Variants in ZBTB38 observed in about 807,000 individuals in gnomAD.
ZBTB38 encodes the protein zinc finger and BTB domain containing 38, also known as zinc finger and BTB domain-containing protein 38.
In ZBTB38, 20 loss-of-function variants were observed where a neutral mutation model predicts 76.8. The observed-to-expected ratio is 0.26, with a 90% CI of 0.18 to 0.38. The LOEUF (loss-of-function observed/expected upper bound fraction) is 0.38, where lower values mean the gene tolerates loss of function less well. Ranked by LOEUF, ZBTB38 falls within the 10% of genes least tolerant of loss-of-function variation. ZBTB38 has a pLI of 1.00. For synonymous variants in ZBTB38, 504 were observed against 544.2 expected, an observed-to-expected ratio of 0.93 and a Z score of 1.03; for missense variants, 1,082 against 1,482.3, an observed-to-expected ratio of 0.73 and a Z score of 4.43.
rs767199699 is a variant in ZBTB38, at chr3:141,444,157, G to C, written c.1769G>C (p.Arg590Pro). 1 of 1,614,012 alleles carries C rather than the reference G, an allele frequency of 6.2e-7. No individual in the cohort carries two copies. Among genetic ancestry groups the C allele is most frequent in the South Asian group, 1.1e-5 (1 of 91,080 alleles). Residue 590 changes from arginine (R) to proline (P), a missense_variant, in exon 6 of 6, where the codon CGA becomes CCA. Around this residue, in one of 8 missense-constraint regions of ZBTB38, gnomAD observed 471 missense variants for 581.0 expected, o/e 0.81. Transcript: ENST00000321464. The surrounding 1 kb of genome is among the most constrained non-coding windows in gnomAD (Gnocchi z 5.1). ...SYRNSSYENA[R>P]ENSQMNESAP... ...CGAAATTCTTCCTATGAAAATGCACGAGAAAACAGTCAAATGAATGAGTCT... is the reference window on the plus strand; with the variant it reads ...CGAAATTCTTCCTATGAAAATGCACCAGAAAACAGTCAAATGAATGAGTCT...
In ZBTB38 at chr3:141,413,014, G is replaced by T. The variant is rs1188058543; in HGVS notation, c.-1+8983G>T. On this transcript the variant is annotated intron_variant, in intron 5 of 5. Coordinates refer to ENST00000321464, the MANE Select transcript of ZBTB38 (RefSeq NM_001376113.1). The surrounding 1 kb of genome is among the most constrained non-coding windows in gnomAD (Gnocchi z 4.1). The stretch of plus-strand genomic sequence containing the variant: ...CTGTGCTGCCTTCGAGCTCTGTGCT[G>T]CCAGGCCTGGCCTCCCTCCAGAGGT... Among the ~76,000 whole-genome samples, 2 of 152,192 alleles carry T rather than the reference G, an allele frequency of 1.3e-5. No homozygotes were observed. Among genetic ancestry groups the T allele is most frequent in the African/African-American group, 4.8e-5 (2 of 41,432 alleles).
At chr3:141,390,926 G>A (rs578078632) in intron 4 of ZBTB38, among the ~76,000 whole-genome samples, 8 of 152,120 alleles carry the variant, frequency 5.3e-5, no homozygotes, top group Non-Finnish European at 1.0e-4. Context: ...AAGCCAAGAC[G>A]GGAGGATTGC....
intron 2 of ZBTB38, among the ~76,000 whole-genome samples, chr3:141,378,976 C>T (rs1200994416): frequency 1.3e-5 from 2 of 152,206 alleles, no homozygotes; most frequent in East Asian, 1.9e-4. Context: ...ACACTCTTCA[C>T]CTTCACCAAA....
At chr3:141,338,529 G>A (rs1297967000) in intron 1 of ZBTB38, among the ~76,000 whole-genome samples, 2 of 152,152 alleles carry the variant, frequency 1.3e-5, no homozygotes, top group Non-Finnish European at 1.5e-5. Context: ...TATCCTAAGC[G>A]AATTCATGCA....
intron 5 of ZBTB38, among the ~76,000 whole-genome samples, chr3:141,411,111 G>C (rs1956477019): frequency 6.6e-6 from 1 of 152,202 alleles, no homozygotes; most frequent in South Asian, 2.1e-4. Context: ...TGTTTGTAGA[G>C]TTGATGACAA....
chr3:141,373,329 T>G (rs973394932), intron 2 of ZBTB38, among the ~76,000 whole-genome samples: 1 of 152,252 alleles, frequency 6.6e-6, no homozygotes, highest in African/African-American at 2.4e-5. Context: ...CACTATAGTC[T>G]TTTCAGAGCT....
Position 141,327,086 on chromosome 3 carries a change from C to T in ZBTB38, c.-739+2630C>T, listed in dbSNP as rs1942697080. Reference sequence around the variant, plus strand: ...CATAAAAGGTCCCTGTAAAGTCAGGCTCTATAGTTGACAGGCCTGTGTGTT... The same window carrying T: ...CATAAAAGGTCCCTGTAAAGTCAGGTTCTATAGTTGACAGGCCTGTGTGTT... On this transcript the variant is annotated intron_variant, in intron 1 of 7. Coordinates refer to the ZBTB38 transcript ENST00000509842. Among the ~76,000 whole-genome samples, 3 of 152,156 alleles carry T rather than the reference C, an allele frequency of 2.0e-5. No individual in the cohort carries two copies. The South Asian group carries it at 6.2e-4, about 32-fold the overall frequency.
chr3:141,441,777 G>T (rs186899479), intron 5 of ZBTB38, among the ~76,000 whole-genome samples: 33 of 152,212 alleles, frequency 2.2e-4, no homozygotes, highest in Non-Finnish European at 3.4e-4. Context: ...TTAGCCGGGC[G>T]TGGTGGCTCT....
At position 141,447,495 on chromosome 3, in the gene ZBTB38, C is replaced by T. The variant is rs1421246676; in HGVS notation, c.*1519C>T. ...CATGTGGACTAGGTTCCTGGAAAGC[C>T]GGAACTCATGATTCTTTTTCAAACT... On this transcript the variant is annotated 3_prime_UTR_variant, in exon 6 of 6. Coordinates refer to ENST00000321464, the MANE Select transcript of ZBTB38 (RefSeq NM_001376113.1). 2.6e-5 allele frequency: 4 copies of T among 152,486 alleles called. No individual in the cohort carries two copies. The highest frequency in any genetic ancestry group is 1.9e-4 in the East Asian group (1 of 5,196). 9.4% of individuals were successfully genotyped at this position (152,486 alleles called of 1,614,324 possible).
intron 4 of ZBTB38, among the ~76,000 whole-genome samples, chr3:141,400,213 T>G (rs909936608): frequency 9.2e-5 from 14 of 152,224 alleles, no homozygotes; most frequent in African/African-American, 3.1e-4. Context: ...ATGGAAAATT[T>G]TGAAGAACGG....
At chr3:141,353,148 G>C (rs1943569210) in intron 1 of ZBTB38, among the ~76,000 whole-genome samples, 1 of 151,902 alleles carries the variant, frequency 6.6e-6, no homozygotes, top group Non-Finnish European at 1.5e-5. Context: ...AGTTCACCAG[G>C]GGTGTTTAAG....
chr3:141,380,233 G>T (rs1946007231), intron 2 of ZBTB38, among the ~76,000 whole-genome samples: 1 of 152,166 alleles, frequency 6.6e-6, no homozygotes, highest in Non-Finnish European at 1.5e-5. Flanking sequence ...CTTTAATTCT[G>T]TGAAACACGC....
intron 1 of ZBTB38, among the ~76,000 whole-genome samples, chr3:141,356,942 A>G (rs968258600): frequency 3.9e-5 from 6 of 152,240 alleles, no homozygotes; most frequent in Non-Finnish European, 7.3e-5. Flanking sequence ...TATAAATGTA[A>G]TATCTGTTCA....
At chr3:141,441,867 G>A (rs2080322694) in intron 5 of ZBTB38, among the ~76,000 whole-genome samples, 1 of 151,374 alleles carries the variant, frequency 6.6e-6, no homozygotes, top group Non-Finnish European at 1.5e-5. Flanking sequence ...AGTGAGCGGA[G>A]ACCACACCAC....
chr3:141,401,804 A>C (rs1220190458), intron 4 of ZBTB38, among the ~76,000 whole-genome samples: 1 of 152,150 alleles, frequency 6.6e-6, no homozygotes, highest in African/African-American at 2.4e-5. Flanking sequence ...GCCAGCGGCC[A>C]GGGCCCTTCA....
intron 2 of ZBTB38, among the ~76,000 whole-genome samples, chr3:141,376,963 C>A (rs1945450591): frequency 6.6e-6 from 1 of 152,222 alleles, no homozygotes; most frequent in African/African-American, 2.4e-5. Flanking sequence ...CTTCCTCTCA[C>A]ACTATGCTGA....
chr3:141,335,655 T>C (rs1304812686), intron 1 of ZBTB38, among the ~76,000 whole-genome samples: 1 of 152,172 alleles, frequency 6.6e-6, no homozygotes, highest in Non-Finnish European at 1.5e-5. Flanking sequence ...ACAATTATCA[T>C]TCCCCACAAC....
chr3:141,334,673 C>A (rs555894587), intron 1 of ZBTB38, among the ~76,000 whole-genome samples: 1 of 152,088 alleles, frequency 6.6e-6, no homozygotes, highest in South Asian at 2.1e-4. Flanking sequence ...CTGTGGTCTG[C>A]AGTGCCTCTC....
intron 1 of ZBTB38, among the ~76,000 whole-genome samples, chr3:141,332,714 AG>A (rs1328351707): frequency 6.6e-6 from 1 of 152,056 alleles, no homozygotes; most frequent in Non-Finnish European, 1.5e-5. Flanking sequence ...GGAGTGGGGG[AG>A]GGATGCCGAA....
Sources: gnomAD v4.1 joint callset for allele counts (sites outside exome capture counted in the v4.1 genomes callset) on GRCh38, gnomAD v4.1.1 for gene constraint, gnomAD v4.1.1 regional missense constraint, Gnocchi (gnomAD v3.1) non-coding constraint, MANE v1.5 for transcripts, NCBI Gene and HGNC (gene_info 2026-07-23, HGNC 2026-07-21) for gene names.